Variants in CRYBG1 observed in about 807,000 individuals in gnomAD.
CRYBG1 encodes the protein beta/gamma crystallin domain-containing protein 1.
Under a neutral mutation model 189.2 loss-of-function variants are expected in CRYBG1, and 139 were observed. The observed-to-expected ratio is 0.73, with a 90% confidence interval of 0.64 to 0.85. The LOEUF is 0.85. CRYBG1 is among the 40% of genes least tolerant of loss of function. The pLI, the probability that CRYBG1 is intolerant of heterozygous loss-of-function variation, is 0.00. For missense variants in CRYBG1, 2,611 were observed against 2,675.8 expected, an observed-to-expected ratio of 0.98 and a Z score of 0.53; for synonymous variants, 1,023 against 1,017.1, an observed-to-expected ratio of 1.01 and a Z score of -0.11.
At chr6:106,449,899 A>G (rs1302603501) in intron 1 of CRYBG1, among the ~76,000 whole-genome samples, 3 of 152,206 alleles carry the variant, frequency 2.0e-5, no homozygotes, top group African/African-American at 7.2e-5. Context: ...TTTACATTTT[A>G]TATAATGCAA....
chr6:106,533,426 A>C (rs1237842350), intron 8 of CRYBG1, among the ~76,000 whole-genome samples: 1 of 152,266 alleles, frequency 6.6e-6, no homozygotes, highest in East Asian at 1.9e-4. Context: ...ATGGAGAATC[A>C]TTGGCGAATT....
chr6:106,362,586 C>G (rs1421573471), intron 1 of CRYBG1, among the ~76,000 whole-genome samples: 5 of 152,128 alleles, frequency 3.3e-5, no homozygotes, highest in African/African-American at 1.2e-4. Flanking sequence ...GTGGCACTTC[C>G]TGAGAAGCGC....
Position 106,480,404 on chromosome 6 carries a change from C to G in CRYBG1, c.312+28572C>G, listed in dbSNP as rs574638108. ...TGTGGGCCGGGCGCGGTGGCTCACA[C>G]CTGTAATCCCAGCACTTTGGGAGGC... On this transcript the variant is annotated intron_variant, in intron 2 of 21. Transcript: ENST00000633556. 5.3e-5 allele frequency among the ~76,000 whole-genome samples: 8 copies of G among 152,044 alleles called. No homozygotes were observed. The South Asian group carries it at 1.2e-3, about 24-fold the overall frequency.
At chr6:106,394,766 A>C (rs1770572478) in intron 1 of CRYBG1, among the ~76,000 whole-genome samples, 1 of 152,198 alleles carries the variant, frequency 6.6e-6, no homozygotes, top group African/African-American at 2.4e-5. Context: ...GACAGGCTTA[A>C]TCTTTCAAAG....
At chr6:106,468,266 G>A (rs75951986) in intron 2 of CRYBG1, among the ~76,000 whole-genome samples, 2,126 of 152,268 alleles carry the variant, frequency 0.014, 46 homozygotes, top group African/African-American at 0.049. Context: ...TGAGCTTTAC[G>A]TACAGGTTGA....
chr6:106,422,409 G>A (rs1771147493), intron 1 of CRYBG1, among the ~76,000 whole-genome samples: 1 of 149,726 alleles, frequency 6.7e-6, no homozygotes, highest in African/African-American at 2.5e-5. Context: ...ATGTCTCACT[G>A]CAGTCTTGAC....
intron 2 of CRYBG1, among the ~76,000 whole-genome samples, chr6:106,466,130 A>G (rs6905896): frequency 0.6 from 90,998 of 152,060 alleles, 27,318 homozygotes; most frequent in Middle Eastern, 0.67. Flanking sequence ...CTACCTTCAT[A>G]TTCTTTAAAA....
chr6:106,539,235 AT>A (rs2114566951), intron 8 of CRYBG1, among the ~76,000 whole-genome samples, 167 bp from the exon 9 acceptor site: 1 of 152,270 alleles, frequency 6.6e-6, no homozygotes, highest in East Asian at 1.9e-4. Context: ...TAATGGCTTT[AT>A]TTTTCCTTGA....
chr6:106,498,699 T>C (rs562772273), intron 2 of CRYBG1, among the ~76,000 whole-genome samples: 6 of 151,992 alleles, frequency 3.9e-5, no homozygotes, highest in South Asian at 2.1e-4. Flanking sequence ...ACATGGTGAA[T>C]GACCATCTCT....
chr6:106,408,081 A>G (rs1425181583), intron 1 of CRYBG1, among the ~76,000 whole-genome samples: 1 of 152,236 alleles, frequency 6.6e-6, no homozygotes, highest in African/African-American at 2.4e-5. Flanking sequence ...CAATGAATCC[A>G]GGAGCTGGTT....
intron 4 of CRYBG1, among the ~76,000 whole-genome samples, chr6:106,521,960 CCTGACCTCGTGATCCAT>C (rs1174505352): frequency 6.6e-6 from 1 of 152,072 alleles, no homozygotes; most frequent in Admixed American, 6.5e-5. Flanking sequence ...GTCTCGAACT[CCTGACCTCGTGATCCAT>C]CTGCCTCGGC....
At chr6:106,412,696 C>A (rs1271102063) in intron 1 of CRYBG1, among the ~76,000 whole-genome samples, 1 of 152,118 alleles carries the variant, frequency 6.6e-6, no homozygotes, top group Non-Finnish European at 1.5e-5. Flanking sequence ...ATTGTCCTAA[C>A]GTAAGTTGGG....
At chr6:106,411,327 G>A (rs979887863) in intron 1 of CRYBG1, among the ~76,000 whole-genome samples, 1 of 152,090 alleles carries the variant, frequency 6.6e-6, no homozygotes, top group Non-Finnish European at 1.5e-5. Context: ...CTTTAGCAGG[G>A]GTTGATTTAC....
At chr6:106,475,972 G>C (rs1026453124) in intron 2 of CRYBG1, among the ~76,000 whole-genome samples, 1 of 152,154 alleles carries the variant, frequency 6.6e-6, no homozygotes, top group Non-Finnish European at 1.5e-5. Context: ...TGATGAGACA[G>C]AATAGAATAG....
Position 106,511,536 on chromosome 6 carries a change from G to C in CRYBG1, c.419G>C (p.Ser140Thr). ...AGAAACAGTAGAAACGGGTTAGAGA[G>C]TCCCACCAGATCAAATGCCAAACCA... is the stretch of plus-strand genomic sequence containing the variant. ...RRRNSRNGLE[S>T]PTRSNAKPLS... The change falls in exon 3 of 22, where the codon AGT becomes ACT. Residue 140 changes from serine (S) to threonine (T), a missense_variant. Physicochemically the swap from Ser to Thr is moderately conservative, Grantham distance 58. This residue lies in a region of CRYBG1 where 985 missense variants were observed against 924.4 expected (regional missense o/e 1.07). Transcript: ENST00000633556. 1 of 1,535,796 alleles carries C rather than the reference G, an allele frequency of 6.5e-7. No homozygotes were observed. The highest frequency in any genetic ancestry group is 8.7e-7 in the Non-Finnish European group (1 of 1,146,634).
At chr6:106,457,605 T>C (rs1172570879) in intron 2 of CRYBG1, among the ~76,000 whole-genome samples, 1 of 152,218 alleles carries the variant, frequency 6.6e-6, no homozygotes, top group Non-Finnish European at 1.5e-5. Context: ...TATTGGGATG[T>C]CATTTTAAAT....
At chr6:106,437,551 C>T (rs560186926) in intron 1 of CRYBG1, among the ~76,000 whole-genome samples, 3 of 152,162 alleles carry the variant, frequency 2.0e-5, no homozygotes, top group South Asian at 2.1e-4. Context: ...ATCCTCCTGC[C>T]CCAGCCTCCT....
intron 2 of CRYBG1, among the ~76,000 whole-genome samples, chr6:106,510,917 G>A (rs1773244085): frequency 6.6e-6 from 1 of 152,170 alleles, no homozygotes; most frequent in Non-Finnish European, 1.5e-5. Context: ...GAACCCAGGT[G>A]GCTTCTTACT....
intron 1 of CRYBG1, among the ~76,000 whole-genome samples, chr6:106,427,220 A>C (rs909411957): frequency 6.6e-6 from 1 of 152,070 alleles, no homozygotes; most frequent in African/African-American, 2.4e-5. Flanking sequence ...CCCAATATCC[A>C]TCTCTGTCTG....
Sources: allele counts gnomAD v4.1 joint callset (sites outside exome capture counted in the v4.1 genomes callset), GRCh38; gene constraint gnomAD v4.1.1; regional missense constraint gnomAD v4.1.1; transcripts MANE v1.5; gene names NCBI Gene and HGNC (gene_info 2026-07-23, HGNC 2026-07-21).